TMEFF2: variants seen among roughly 807,000 people sequenced by gnomAD.
TMEFF2 encodes the protein transmembrane protein with EGF like and two follistatin like domains 2.
A neutral mutation model predicts 53.8 loss-of-function variants in TMEFF2; 28 were observed. The ratio of observed to expected loss-of-function variants is 0.52; its 90% CI spans 0.39 to 0.71. The LOEUF (loss-of-function observed/expected upper bound fraction) is 0.71. TMEFF2 is among the 30% of genes least tolerant of loss of function. The probability of loss-of-function intolerance (pLI) is 0.00; values close to 1 mark genes in which losing one functional copy is unlikely to be tolerated. For missense variants in TMEFF2, 353 were observed against 455.2 expected, an observed-to-expected ratio of 0.78 and a Z score of 2.04; for synonymous variants, 162 against 166.3, an observed-to-expected ratio of 0.97 and a Z score of 0.20.
At chr2:191,978,459 T>TAA (rs370967849) in intron 7 of TMEFF2, among the ~76,000 whole-genome samples, 2 of 143,158 alleles carry the variant, frequency 1.4e-5, no homozygotes, top group East Asian at 4.0e-4. Context: ...TCAGCCCTAT[T>TAA]AAAAAAAAAA....
intron 4 of TMEFF2, among the ~76,000 whole-genome samples, chr2:192,127,804 T>C (rs1382215298): frequency 1.3e-5 from 2 of 152,228 alleles, no homozygotes; most frequent in South Asian, 2.1e-4. Context: ...TTGCTATCAA[T>C]GAGTCAAAGC....
At position 192,139,110 on chromosome 2, in the gene TMEFF2, A is replaced by G. The variant is rs569269010; in HGVS notation, c.439+40558T>C. On this transcript the variant is annotated intron_variant, in intron 4 of 9. Transcript: ENST00000272771. ...GTACAACATATGAAGGGAAGAACAT[A>G]TAACCAAGGTTGAATACAAAAGAGA... 2.0e-5 allele frequency among the ~76,000 whole-genome samples: 3 copies of G among 152,338 alleles called. No homozygotes were observed. The East Asian group carries it at 5.8e-4, about 29-fold the overall frequency.
intron 5 of TMEFF2, among the ~76,000 whole-genome samples, chr2:192,018,008 T>A (rs1686780151): frequency 6.6e-6 from 1 of 152,124 alleles, no homozygotes. Context: ...CCTCACTTTC[T>A]CCACTGTTAC....
At chr2:192,142,451 T>C (rs1203668447) in intron 4 of TMEFF2, among the ~76,000 whole-genome samples, 2 of 152,160 alleles carry the variant, frequency 1.3e-5, no homozygotes, top group African/African-American at 4.8e-5. Flanking sequence ...CTCGTTGTTA[T>C]AGATGCTAAA....
At chr2:192,038,761 A>G (rs1687397586) in intron 5 of TMEFF2, among the ~76,000 whole-genome samples, 1 of 152,160 alleles carries the variant, frequency 6.6e-6, no homozygotes, top group Non-Finnish European at 1.5e-5. Flanking sequence ...CTGGGATTAC[A>G]GACTCGTGAG....
intron 1 of TMEFF2, among the ~76,000 whole-genome samples, chr2:192,193,747 G>GAT (rs1691520367): frequency 5.8e-5 from 2 of 34,776 alleles, no homozygotes; most frequent in African/African-American, 2.0e-4. Context: ...GAGAGAGAGA[G>GAT]AGAGATAGAT....
chr2:191,998,144 G>GGCTA (rs1267004026), intron 7 of TMEFF2, 118 bp downstream of exon 7: 1 of 770,816 alleles, frequency 1.3e-6, no homozygotes, highest in African/African-American at 1.8e-5. Context: ...AGCAAGAGAA[G>GGCTA]GCTAGCACAT....
At chr2:192,164,726 C>CA (rs34648660) in intron 4 of TMEFF2, among the ~76,000 whole-genome samples, 106 of 133,666 alleles carry the variant, frequency 7.9e-4, no homozygotes, top group Middle Eastern at 8.0e-3. Context: ...GACTTCGTCT[C>CA]AAAAAAAAAA....
intron 7 of TMEFF2, among the ~76,000 whole-genome samples, chr2:191,975,608 TTTA>T (rs1685702026): frequency 6.6e-6 from 1 of 152,016 alleles, no homozygotes; most frequent in East Asian, 1.9e-4. Flanking sequence ...CTTTAGTAGT[TTTA>T]TTTTTTTATT....
At chr2:192,068,242 G>A (rs1688210450) in intron 4 of TMEFF2, among the ~76,000 whole-genome samples, 1 of 151,886 alleles carries the variant, frequency 6.6e-6, no homozygotes, top group Admixed American at 6.6e-5. Flanking sequence ...TTAAGAAAGT[G>A]TTAAAGGTGA....
chr2:191,995,379 G>A (rs553866171), intron 7 of TMEFF2, among the ~76,000 whole-genome samples: 1 of 152,078 alleles, frequency 6.6e-6, no homozygotes, highest in African/African-American at 2.4e-5. Flanking sequence ...AAAAATGATA[G>A]TATGTTAGAT....
At chr2:192,190,209 CT>C (rs577832451) in intron 2 of TMEFF2, among the ~76,000 whole-genome samples, 20 of 148,836 alleles carry the variant, frequency 1.3e-4, no homozygotes, top group Admixed American at 6.7e-4. Flanking sequence ...CTGTCAACCC[CT>C]TTTTTTTTTC....
At chr2:192,093,682 TGA>T (rs1295080430) in intron 4 of TMEFF2, among the ~76,000 whole-genome samples, 1 of 152,028 alleles carries the variant, frequency 6.6e-6, no homozygotes, top group Non-Finnish European at 1.5e-5. Flanking sequence ...CATCTGATAA[TGA>T]GTAGACCCCG....
chr2:191,988,772 T>C (rs1372815604), intron 7 of TMEFF2, among the ~76,000 whole-genome samples: 2 of 147,486 alleles, frequency 1.4e-5, no homozygotes, highest in African/African-American at 5.0e-5. Flanking sequence ...TCAGAAGATG[T>C]GAAAGAAAGA....
intron 3 of TMEFF2, among the ~76,000 whole-genome samples, chr2:192,182,960 A>G (rs1365086669): frequency 1.3e-5 from 2 of 151,760 alleles, no homozygotes; most frequent in East Asian, 3.9e-4. Context: ...CTCCTTTCCT[A>G]TTGGAGAAGG....
chr2:192,074,830 G>A (rs1688369643), intron 4 of TMEFF2, among the ~76,000 whole-genome samples: 1 of 151,830 alleles, frequency 6.6e-6, no homozygotes, highest in Admixed American at 6.6e-5. Flanking sequence ...GCTTTTTAGA[G>A]CCTTTCAGAC....
At chr2:192,121,706 T>C (rs1421533603) in intron 4 of TMEFF2, among the ~76,000 whole-genome samples, 3 of 152,170 alleles carry the variant, frequency 2.0e-5, no homozygotes, top group African/African-American at 7.2e-5. Flanking sequence ...GTTTTAGCTC[T>C]CATCTGGTCA....
At position 192,194,547 on chromosome 2, in the gene TMEFF2, G is replaced by A. The variant is rs369500176; in HGVS notation, c.-23C>T. The A allele has an allele frequency of 2.5e-6, 4 of 1,603,812 alleles. No individual in the cohort carries two copies. Among genetic ancestry groups the A allele is most frequent in the Non-Finnish European group, 3.4e-6 (4 of 1,173,466 alleles). On this transcript the variant is annotated 5_prime_UTR_variant, in exon 1 of 10. Transcript: ENST00000272771. This position sits in a 1 kb window ranked among gnomAD's most constrained non-coding sequence, Gnocchi z 4.2. ...CATGACTAGTTCGTGCAACTCTGCAGCAGCAAACGGCTTCCGAGGAACACA... is the reference window on the plus strand; with the variant it reads ...CATGACTAGTTCGTGCAACTCTGCAACAGCAAACGGCTTCCGAGGAACACA...
At chr2:191,968,179 A>C (rs1310876166) in intron 7 of TMEFF2, among the ~76,000 whole-genome samples, 1 of 152,252 alleles carries the variant, frequency 6.6e-6, no homozygotes, top group Non-Finnish European at 1.5e-5. Flanking sequence ...CAGATAACAC[A>C]GCTGAGAAAA....
Sources: gnomAD v4.1 joint callset for allele counts (sites outside exome capture counted in the v4.1 genomes callset) on GRCh38, gnomAD v4.1.1 for gene constraint, Gnocchi (gnomAD v3.1) non-coding constraint, MANE v1.5 for transcripts, NCBI Gene and HGNC (gene_info 2026-07-23, HGNC 2026-07-21) for gene names.